The following FYN variants were observed in gnomAD, a reference collection of about 807,000 sequenced individuals.
The protein encoded by FYN is tyrosine-protein kinase Fyn.
A neutral mutation model predicts 70.2 loss-of-function variants in FYN; 10 were observed. That is an observed-to-expected ratio of 0.14 (90% CI 0.09 to 0.24). FYN has a LOEUF of 0.24. Ranked by LOEUF, FYN falls within the 10% of genes least tolerant of loss-of-function variation. The pLI, the probability that FYN is intolerant of heterozygous loss-of-function variation, is 1.00. For synonymous variants in FYN, 236 were observed against 248.6 expected (o/e 0.95, Z 0.48); for missense variants, 319 against 673.1 (o/e 0.47, Z 5.82).
At chr6:111,717,489 T>G in intron 4 of FYN, among the ~76,000 whole-genome samples, 1 of 151,904 alleles carries the variant, frequency 6.6e-6, no homozygotes. Context: ...GAGATGGAGA[T>G]TCACTCTTGT....
At chr6:111,713,569 G>C (rs1475612636) in intron 5 of FYN, among the ~76,000 whole-genome samples, 1 of 151,804 alleles carries the variant, frequency 6.6e-6, no homozygotes, top group Admixed American at 6.6e-5. Context: ...TCAGAACCTA[G>C]ATTTTTTTCT....
chr6:111,665,630 ATTTT>A (rs990702683), intron 13 of FYN, among the ~76,000 whole-genome samples: 1 of 132,580 alleles, frequency 7.5e-6, no homozygotes, highest in East Asian at 2.3e-4. Context: ...TTATTTATTT[ATTTT>A]TTTTTGAGAT....
intron 3 of FYN, among the ~76,000 whole-genome samples, chr6:111,772,186 G>T (rs1420435371): frequency 6.6e-6 from 1 of 151,864 alleles, no homozygotes; most frequent in Non-Finnish European, 1.5e-5. Flanking sequence ...TAACCCAAGG[G>T]CAAGAAAAAA....
At chr6:111,699,666 T>C (rs1388802238) in intron 9 of FYN, 3 of 1,612,938 alleles carry the variant, frequency 1.9e-6, no homozygotes, top group East Asian at 2.2e-5. Context: ...AACCATCAGC[T>C]TTCTCTACAG....
At chr6:111,718,933 A>C (rs1800798466) in intron 4 of FYN, among the ~76,000 whole-genome samples, 1 of 152,196 alleles carries the variant, frequency 6.6e-6, no homozygotes, top group African/African-American at 2.4e-5. Context: ...GAGGGAAAAA[A>C]AACTTGCTAA....
chr6:111,783,169 T>C (rs1042579144), intron 2 of FYN, among the ~76,000 whole-genome samples: 1 of 152,236 alleles, frequency 6.6e-6, no homozygotes, highest in African/African-American at 2.4e-5. Flanking sequence ...AGAACAGTTC[T>C]TCCTTTTCAA....
intron 5 of FYN, 73 bp from the exon 6 acceptor site, chr6:111,708,093 A>C (rs1051307542): frequency 2.5e-5 from 28 of 1,136,202 alleles, no homozygotes; most frequent in Non-Finnish European, 3.4e-5. Context: ...CTGTGGTCTG[A>C]AGTGTATAAC....
intron 2 of FYN, among the ~76,000 whole-genome samples, chr6:111,845,524 C>T (rs905898486): frequency 2.6e-5 from 4 of 152,236 alleles, no homozygotes; most frequent in Non-Finnish European, 2.9e-5. Context: ...GAGTTACTCA[C>T]AATTGTTCTG....
chr6:111,699,913 C>CTTTTTTTTT (rs71021861), intron 9 of FYN, 191 bp downstream of exon 9: 6 of 186,566 alleles, frequency 3.2e-5, no homozygotes, highest in South Asian at 9.4e-5. Flanking sequence ...CACTTACTAT[C>CTTTTTTTTT]TTTTTTTTTT....
At chr6:111,866,365 A>G (rs1279681753) in intron 1 of FYN, among the ~76,000 whole-genome samples, 1 of 152,174 alleles carries the variant, frequency 6.6e-6, no homozygotes, top group Non-Finnish European at 1.5e-5. Flanking sequence ...GTTTTGAGAC[A>G]GAGCCTCACT....
intron 12 of FYN, among the ~76,000 whole-genome samples, chr6:111,678,091 T>C (rs1320066755): frequency 6.9e-6 from 1 of 144,636 alleles, no homozygotes; most frequent in Admixed American, 7.1e-5. Flanking sequence ...GATAAGCCAA[T>C]ACACGAAGGC....
chr6:111,693,140 G>A (rs1322666230), intron 12 of FYN, among the ~76,000 whole-genome samples: 1 of 152,190 alleles, frequency 6.6e-6, no homozygotes, highest in Non-Finnish European at 1.5e-5. Flanking sequence ...ATCACTTGAG[G>A]CTGCTAAGAA....
Position 111,779,704 on chromosome 6 carries a change from T to G in FYN, c.-12+862A>C, listed in dbSNP as rs111633279. Among the ~76,000 whole-genome samples, 399 of 152,304 alleles carry G rather than the reference T, an allele frequency of 2.6e-3. 4 individuals are homozygous for G. The highest frequency in any genetic ancestry group is 8.9e-3 in the African/African-American group (371 of 41,568). On this transcript the variant is annotated intron_variant, in intron 3 of 13. Transcript: ENST00000354650. ...GTTGTGGTGAGTAGCTGGGATGCTC[T>G]AGCAACATCAAATGGATGTAACCGG...
chr6:111,716,783 A>AT lies in FYN; in HGVS notation c.248-2341dup, dbSNP rs541355121. On this transcript the variant is annotated intron_variant, in intron 4 of 13. Transcript: ENST00000354650. ...GATATCTATATGATCAAGAGAGTTA[A>AT]TTTTTTTTTTTTTTTTTTGAGATGG... 7.0e-3 allele frequency among the ~76,000 whole-genome samples: 993 copies of AT among 141,156 alleles called. 9 individuals are homozygous for AT. The highest frequency in any genetic ancestry group is 0.015 in the African/African-American group (565 of 38,502). The allele number at this position is 141,156 out of a possible 152,430, so 92.6% of individuals were successfully genotyped here.
At chr6:111,674,003 T>G (rs991846579) in intron 13 of FYN, among the ~76,000 whole-genome samples, 2 of 152,202 alleles carry the variant, frequency 1.3e-5, no homozygotes, top group African/African-American at 4.8e-5. Flanking sequence ...CACATGTGCC[T>G]CTGCTCTCTT....
chr6:111,862,836 T>G (rs1460210292), intron 1 of FYN, among the ~76,000 whole-genome samples: 1 of 152,072 alleles, frequency 6.6e-6, no homozygotes, highest in Non-Finnish European at 1.5e-5. Flanking sequence ...TTTTGAGAGT[T>G]GGGATTCCAG....
At chr6:111,667,462 C>T (rs1363269509) in intron 13 of FYN, among the ~76,000 whole-genome samples, 1 of 151,982 alleles carries the variant, frequency 6.6e-6, no homozygotes, top group East Asian at 1.9e-4. Context: ...CTATGTTGCC[C>T]AGGCTGATCT....
At chr6:111,721,366 A>G (rs1182252500) in intron 3 of FYN, among the ~76,000 whole-genome samples, 1 of 152,232 alleles carries the variant, frequency 6.6e-6, no homozygotes, top group East Asian at 1.9e-4. Flanking sequence ...AATAAATAGC[A>G]ACCAGATGAG....
At chr6:111,703,162 T>C in intron 7 of FYN, 128 bp from the exon 8 acceptor site, 1 of 754,464 alleles carries the variant, frequency 1.3e-6, no homozygotes, top group Non-Finnish European at 2.2e-6. Context: ...ACACACAGCA[T>C]CTCCACTCAG....
Sources: allele counts gnomAD v4.1 joint callset (sites outside exome capture counted in the v4.1 genomes callset), GRCh38; gene constraint gnomAD v4.1.1; transcripts MANE v1.5; gene names NCBI Gene and HGNC (gene_info 2026-07-23, HGNC 2026-07-21).